The following NFIB variants were observed in gnomAD, a reference collection of about 807,000 sequenced individuals.
The protein encoded by NFIB is nuclear factor 1 B-type.
A neutral mutation model predicts 61.5 loss-of-function variants in NFIB; 11 were observed. That is an observed-to-expected ratio of 0.18 (90% confidence interval 0.11 to 0.30). The LOEUF is 0.30. NFIB is among the 10% of genes least tolerant of loss of function. NFIB has a pLI of 1.00. For missense variants in NFIB, 471 were observed against 608.9 expected, an observed-to-expected ratio of 0.77 and a Z score of 2.38; for synonymous variants, 260 against 216.5, an observed-to-expected ratio of 1.20 and a Z score of -1.76.
At chr9:14,346,245 C>T (rs2132890325) in intron 1 of NFIB, among the ~76,000 whole-genome samples, 1 of 145,888 alleles carries the variant, frequency 6.9e-6, no homozygotes, top group African/African-American at 2.5e-5. Context: ...GCCATCTTTG[C>T]TCTGGGTGGA....
intron 6 of NFIB, among the ~76,000 whole-genome samples, chr9:14,131,079 ATTC>A (rs1482827057): frequency 6.6e-6 from 1 of 152,184 alleles, no homozygotes; most frequent in Non-Finnish European, 1.5e-5. Context: ...TGCAGAAAGA[ATTC>A]TTCTTAATGA....
chr9:14,462,311 C>CT, the NFIB span, among the ~76,000 whole-genome samples: 2 of 149,992 alleles, frequency 1.3e-5, no homozygotes, highest in Non-Finnish European at 3.0e-5. Context: ...CAGACAGAGT[C>CT]TTGCTCTGTT....
At chr9:14,462,731 G>T in the NFIB span, among the ~76,000 whole-genome samples, 1 of 152,152 alleles carries the variant, frequency 6.6e-6, no homozygotes, top group Non-Finnish European at 1.5e-5. Flanking sequence ...ATAGTTAAAA[G>T]TGAGGCGTTC....
At chr9:14,495,275 T>C in the NFIB span, among the ~76,000 whole-genome samples, 34,110 of 151,796 alleles carry the variant, frequency 0.22, 4,015 homozygotes, top group South Asian at 0.36. Context: ...CCCACACCCC[T>C]GGTTGTGAGA....
chr9:14,420,851 T>A, the NFIB span, among the ~76,000 whole-genome samples: 2 of 152,138 alleles, frequency 1.3e-5, no homozygotes, highest in African/African-American at 4.8e-5. Flanking sequence ...GAACCTCTTG[T>A]CTCAAGGCTG....
chr9:14,124,504 G>T (rs954455531), intron 7 of NFIB, among the ~76,000 whole-genome samples: 3 of 152,012 alleles, frequency 2.0e-5, no homozygotes, highest in African/African-American at 7.2e-5. Context: ...AGCTAATAAG[G>T]ACTTTATTTT....
chr9:14,190,889 A>G (rs955727235), intron 2 of NFIB, among the ~76,000 whole-genome samples: 1 of 152,192 alleles, frequency 6.6e-6, no homozygotes, highest in Non-Finnish European at 1.5e-5. Context: ...TAAAGAGAAC[A>G]GTTTAAAATA....
At chr9:14,436,600 A>G in the NFIB span, among the ~76,000 whole-genome samples, 1 of 152,230 alleles carries the variant, frequency 6.6e-6, no homozygotes, top group East Asian at 1.9e-4. Flanking sequence ...TTTCTTCCAC[A>G]GCGCCAAATA....
chr9:14,468,412 G>A, the NFIB span, among the ~76,000 whole-genome samples: 822 of 152,298 alleles, frequency 5.4e-3, 5 homozygotes, highest in Non-Finnish European at 6.3e-3. Flanking sequence ...AACATTTAGC[G>A]TAACATAAAC....
chr9:14,291,979 T>C (rs1221138548), intron 2 of NFIB, among the ~76,000 whole-genome samples: 1 of 152,158 alleles, frequency 6.6e-6, no homozygotes, highest in Admixed American at 6.6e-5. Context: ...AGAAAGACCA[T>C]GGCTGCAGAT....
At chr9:14,255,608 T>C (rs1475919512) in intron 2 of NFIB, among the ~76,000 whole-genome samples, 1 of 152,176 alleles carries the variant, frequency 6.6e-6, no homozygotes, top group Admixed American at 6.5e-5. Flanking sequence ...TTTATATAAA[T>C]TGCTCTATAG....
intron 1 of NFIB, among the ~76,000 whole-genome samples, chr9:14,338,329 G>A (rs375947095): frequency 6.6e-5 from 10 of 152,142 alleles, no homozygotes; most frequent in African/African-American, 2.2e-4. Flanking sequence ...GGGAGGCGGA[G>A]GTTGCAGTGA....
chr9:14,443,112 G>C, the NFIB span, among the ~76,000 whole-genome samples: 1 of 145,966 alleles, frequency 6.9e-6, no homozygotes, highest in African/African-American at 2.6e-5. Flanking sequence ...GTGGGAGGCC[G>C]ACTCACAGAG....
At chr9:14,464,836 T>C in the NFIB span, among the ~76,000 whole-genome samples, 1 of 152,170 alleles carries the variant, frequency 6.6e-6, no homozygotes, top group Non-Finnish European at 1.5e-5. Context: ...TATTTATCTT[T>C]TTGTCTCCAA....
chr9:14,254,954 T>C (rs1027693145), intron 2 of NFIB, among the ~76,000 whole-genome samples: 1 of 152,142 alleles, frequency 6.6e-6, no homozygotes, highest in Admixed American at 6.6e-5. Flanking sequence ...GCGCCAACCA[T>C]GCTTCCAAAT....
At chr9:14,089,476 C>G (rs1332285053) in intron 10 of NFIB, among the ~76,000 whole-genome samples, 1 of 151,440 alleles carries the variant, frequency 6.6e-6, no homozygotes, top group Non-Finnish European at 1.5e-5. Flanking sequence ...TATCATGAAA[C>G]AACTCTACAG....
At chr9:14,345,321 T>A (rs1331977681) in intron 1 of NFIB, among the ~76,000 whole-genome samples, 1 of 152,170 alleles carries the variant, frequency 6.6e-6, no homozygotes, top group African/African-American at 2.4e-5. Flanking sequence ...AAATGAAATT[T>A]TAAAACATCC....
intron 1 of NFIB, among the ~76,000 whole-genome samples, chr9:14,396,088 A>G (rs1250711333): frequency 6.6e-6 from 1 of 152,148 alleles, no homozygotes; most frequent in African/African-American, 2.4e-5. Flanking sequence ...TCCTATATCT[A>G]TATTGATTTA....
At chr9:14,437,565 G>C in the NFIB span, among the ~76,000 whole-genome samples, 1 of 152,204 alleles carries the variant, frequency 6.6e-6, no homozygotes, top group Non-Finnish European at 1.5e-5. Flanking sequence ...GAGAGAGCCT[G>C]GCTTTCCTGC....
Sources: gnomAD v4.1 joint callset for allele counts (sites outside exome capture counted in the v4.1 genomes callset) on GRCh38, gnomAD v4.1.1 for gene constraint, MANE v1.5 for transcripts, NCBI Gene and HGNC (gene_info 2026-07-23, HGNC 2026-07-21) for gene names.